ABCA12: variants seen among roughly 807,000 people sequenced by gnomAD.
ABCA12 encodes glucosylceramide transporter ABCA12.
Under a neutral mutation model 293.5 loss-of-function variants are expected in ABCA12, and 156 were observed. The ratio of observed to expected loss-of-function variants is 0.53; its 90% CI spans 0.47 to 0.61. ABCA12 has a LOEUF of 0.61. Among genes scored for constraint, ABCA12 ranks in the 20% least tolerant of loss-of-function variants. The probability of loss-of-function intolerance (pLI) is 0.00; values close to 1 mark genes in which losing one functional copy is unlikely to be tolerated. For synonymous variants in ABCA12, 1,063 were observed against 1,108.0 expected, an observed-to-expected ratio of 0.96 and a Z score of 0.81; for missense variants, 2,797 against 3,090.2, an observed-to-expected ratio of 0.91 and a Z score of 2.25.
chr2:215,066,800 G>C (rs146818039), intron 2 of ABCA12, among the ~76,000 whole-genome samples: 2 of 152,034 alleles, frequency 1.3e-5, no homozygotes, highest in African/African-American at 4.8e-5. Context: ...GATGGCTTGC[G>C]TTATTTGTTT....
chr2:215,109,021 C>T (rs551219741), intron 2 of ABCA12, among the ~76,000 whole-genome samples: 1 of 151,564 alleles, frequency 6.6e-6, no homozygotes, highest in East Asian at 1.9e-4. Context: ...GAGCCGAGAT[C>T]GCACCACTGT....
intron 51 of ABCA12, among the ~76,000 whole-genome samples, chr2:214,936,558 G>A (rs1698224887): frequency 6.6e-6 from 1 of 152,138 alleles, no homozygotes; most frequent in Non-Finnish European, 1.5e-5. Flanking sequence ...ATGTAATAAT[G>A]ACAAATTTTC....
chr2:214,958,575 A>C, intron 40 of ABCA12, 121 bp from the exon 41 acceptor site: 1 of 1,028,136 alleles, frequency 9.7e-7, no homozygotes, highest in Non-Finnish European at 1.5e-6. Context: ...GACACAAATA[A>C]GGCATCCTGC....
chr2:215,018,349 G>T (rs911253017), intron 13 of ABCA12, among the ~76,000 whole-genome samples: 4 of 152,104 alleles, frequency 2.6e-5, no homozygotes, highest in African/African-American at 9.7e-5. Context: ...GTAACAGATT[G>T]CTCTGAGTTA....
intron 19 of ABCA12, among the ~76,000 whole-genome samples, chr2:215,005,037 G>A (rs1383495039): frequency 6.6e-6 from 1 of 152,108 alleles, no homozygotes; most frequent in Non-Finnish European, 1.5e-5. Flanking sequence ...ATCACTCTAG[G>A]AGTACTATTA....
chr2:215,134,510 GTA>G lies in ABCA12; in HGVS notation c.69+3628_69+3629del, dbSNP rs573499748. Among the ~76,000 whole-genome samples, 188 of 93,316 alleles carry G rather than the reference GTA, an allele frequency of 2.0e-3. 2 individuals carry two copies. The highest frequency in any genetic ancestry group is 9.4e-3 in the African/African-American group (165 of 17,516). 61.2% of individuals were successfully genotyped at this position (93,316 alleles called of 152,430 possible). A position where few individuals can be genotyped will look rare whatever the true frequency, so the allele number is the denominator to read the frequency against. On this transcript the variant is annotated intron_variant, in intron 1 of 52. Coordinates refer to ENST00000272895, the MANE Select transcript of ABCA12 (RefSeq NM_173076.3). ...CGTATATATGCACATATATGCGTAT[GTA>G]TATGTGTATATATACGTATATATGT...
chr2:215,009,391 A>T (rs1700323657), intron 18 of ABCA12, among the ~76,000 whole-genome samples: 1 of 152,138 alleles, frequency 6.6e-6, no homozygotes, highest in Non-Finnish European at 1.5e-5. Context: ...AATAATCTGT[A>T]CAGCAAACCC....
At chr2:215,084,028 A>T (rs1701992401) in intron 2 of ABCA12, among the ~76,000 whole-genome samples, 2 of 151,930 alleles carry the variant, frequency 1.3e-5, no homozygotes, top group South Asian at 2.1e-4. Context: ...CCCAGGCTGG[A>T]GTACAGTGAC....
At position 215,118,346 on chromosome 2, in the gene ABCA12, G is replaced by A. The variant is rs112260418; in HGVS notation, c.70-6656C>T. Among the ~76,000 whole-genome samples the A allele has an allele frequency of 5.5e-3, 833 of 152,172 alleles. 18 individuals are homozygous for A. Among genetic ancestry groups the A allele is most frequent in the African/African-American group, 0.019 (806 of 41,512 alleles). ...GAACCCAAGAGATGGAGGTTGCAGC[G>A]AGCCGAGATCTTGCCACTGCATGCC... On this transcript the variant is annotated intron_variant, in intron 1 of 52. Coordinates refer to ENST00000272895, the MANE Select transcript of ABCA12 (RefSeq NM_173076.3).
intron 2 of ABCA12, among the ~76,000 whole-genome samples, chr2:215,076,477 G>A (rs781707492): frequency 1.2e-4 from 18 of 152,064 alleles, no homozygotes; most frequent in Admixed American, 2.6e-4. Context: ...AAGAGATTCC[G>A]TTTTACATCT....
intron 31 of ABCA12, 33 bp downstream of exon 31, chr2:214,980,450 G>A (rs1699620859): frequency 3.1e-6 from 5 of 1,611,746 alleles, no homozygotes; most frequent in African/African-American, 1.3e-5. Context: ...AATTTATGGT[G>A]CCATAATGAG....
intron 4 of ABCA12, among the ~76,000 whole-genome samples, chr2:215,054,313 T>C (rs1268460394): frequency 6.6e-6 from 1 of 152,110 alleles, no homozygotes; most frequent in Non-Finnish European, 1.5e-5. Context: ...GAGTCAGTTC[T>C]GGGAAATGGT....
intron 1 of ABCA12, among the ~76,000 whole-genome samples, chr2:215,128,456 A>G (rs1575062050): frequency 6.6e-6 from 1 of 152,320 alleles, no homozygotes; most frequent in Non-Finnish European, 1.5e-5. Context: ...TTGGTCATTT[A>G]ACGTAATTTT....
chr2:215,003,475 G>A (rs938959284), intron 20 of ABCA12, among the ~76,000 whole-genome samples: 2 of 151,562 alleles, frequency 1.3e-5, no homozygotes, highest in Non-Finnish European at 1.5e-5. Flanking sequence ...TTACATTCTG[G>A]GTTAGTCAAG....
chr2:215,061,734 G>C (rs1286200150), intron 3 of ABCA12, among the ~76,000 whole-genome samples: 1 of 146,956 alleles, frequency 6.8e-6, no homozygotes, highest in Non-Finnish European at 1.5e-5. Flanking sequence ...TAAACTACCT[G>C]GAGGTAAAAC....
chr2:215,023,585 C>A (rs1700676892), intron 11 of ABCA12: 1 of 152,160 alleles, frequency 6.6e-6, no homozygotes, highest in South Asian at 2.1e-4. Flanking sequence ...ATATTATGTG[C>A]TTCCTGGTGA....
chr2:215,028,681 T>C (rs1018689181), intron 9 of ABCA12, among the ~76,000 whole-genome samples: 2 of 152,188 alleles, frequency 1.3e-5, no homozygotes, highest in Admixed American at 1.3e-4. Context: ...TAAATCACAT[T>C]ATTACTGTTA....
At chr2:215,111,460 A>G in intron 2 of ABCA12, 137 bp downstream of exon 2, 2 of 612,524 alleles carry the variant, frequency 3.3e-6, no homozygotes, top group Non-Finnish European at 5.8e-6. Context: ...AAAAACACAC[A>G]AATTGTTCAT....
chr2:214,935,385 C>A (rs1310863537), intron 51 of ABCA12, among the ~76,000 whole-genome samples: 1 of 152,096 alleles, frequency 6.6e-6, no homozygotes, highest in African/African-American at 2.4e-5. Flanking sequence ...CAGATTTCAA[C>A]CCAGAAATCC....
Sources: gnomAD v4.1 joint callset for allele counts (sites outside exome capture counted in the v4.1 genomes callset) on GRCh38, gnomAD v4.1.1 for gene constraint, MANE v1.5 for transcripts, NCBI Gene and HGNC (gene_info 2026-07-23, HGNC 2026-07-21) for gene names.